COA6: variants seen among roughly 807,000 people sequenced by gnomAD.
COA6 encodes the protein cytochrome c oxidase assembly factor 6 homolog.
Under a neutral mutation model 17.1 loss-of-function variants are expected in COA6, and 12 were observed. The ratio of observed to expected loss-of-function variants is 0.70; its 90% CI spans 0.45 to 1.14. The LOEUF (loss-of-function observed/expected upper bound fraction) is 1.14. Ranked by LOEUF, COA6 falls within the 50% of genes most tolerant of loss-of-function variation. The pLI is 0.00. For missense variants in COA6, 246 were observed against 196.5 expected (o/e 1.25, Z -1.51); for synonymous variants, 90 against 73.4 (o/e 1.23, Z -1.16).
chr1:234,383,095 G>T (rs1432451886), intron 2 of COA6, among the ~76,000 whole-genome samples: 2 of 150,574 alleles, frequency 1.3e-5, no homozygotes, highest in African/African-American at 2.5e-5. Context: ...GGGAAGGGAA[G>T]TAAGAAAAAT....
Position 234,383,448 on chromosome 1 carries a change from C to A in COA6, c.373-275C>A, listed in dbSNP as rs551632001. Among the ~76,000 whole-genome samples the A allele has an allele frequency of 1.3e-4, 19 of 151,934 alleles. No homozygotes were observed. The South Asian group carries it at 3.7e-3, about 30-fold the overall frequency. ...ATACCTAATGTTAAATGGCGAGTTA[C>A]TGGGTGCAGCACACCAACATGGCAC... is the stretch of plus-strand genomic sequence containing the variant. On this transcript the variant is annotated intron_variant, in intron 2 of 2. Coordinates refer to ENST00000366615, the MANE Select transcript of COA6 (RefSeq NM_001206641.3).
At chr1:234,376,165 C>A (rs1397619000) in intron 2 of COA6, among the ~76,000 whole-genome samples, 4 of 152,176 alleles carry the variant, frequency 2.6e-5, no homozygotes, top group African/African-American at 9.7e-5. Context: ...GAGAGGAACT[C>A]CAGGTTTAAG....
At chr1:234,380,148 G>A (rs149648105) in intron 2 of COA6, among the ~76,000 whole-genome samples, 388 of 152,178 alleles carry the variant, frequency 2.5e-3, no homozygotes, top group African/African-American at 7.8e-3. Flanking sequence ...CTTCACTATC[G>A]GTTCTTTGCT....
chr1:234,374,115 T>G (rs565572269), intron 1 of COA6, 115 bp from the exon 2 acceptor site: 30 of 1,028,246 alleles, frequency 2.9e-5, no homozygotes, highest in South Asian at 1.4e-4. Context: ...TGTTTTTGTT[T>G]TTTTTTTTTT....
intron 1 of COA6, 118 bp from the exon 2 acceptor site, chr1:234,374,112 G>GTTTTTTTTTTTTTTTTTTTT: frequency 2.3e-6 from 2 of 861,686 alleles, no homozygotes; most frequent in East Asian, 2.9e-5. Context: ...TTTTGTTTTT[G>GTTTTTTTTTTTTTTTTTTTT]TTTTTTTTTT....
chr1:234,383,577 C>G, intron 2 of COA6, 146 bp from the exon 3 acceptor site: 1 of 516,714 alleles, frequency 1.9e-6, no homozygotes, highest in Non-Finnish European at 3.5e-6. Flanking sequence ...ACAGCTGACA[C>G]ACACACACAC....
At position 234,384,101 on chromosome 1, in the gene COA6, A is replaced by C. The variant is rs1214829462; in HGVS notation, c.*283A>C. On this transcript the variant is annotated 3_prime_UTR_variant, in exon 3 of 3. Transcript: ENST00000366615. ...TAATTAGAGGATGGGTAGTAGGCAG[A>C]TGATAAAATTTATAATATACATAGA... The C allele has an allele frequency of 4.2e-6, 1 of 235,334 alleles. No homozygotes were observed. The highest frequency in any genetic ancestry group is 2.3e-5 in the African/African-American group (1 of 44,176). The allele number at this position is 235,334 out of a possible 1,614,324, so 14.6% of individuals were successfully genotyped here. A position where few individuals can be genotyped will look rare whatever the true frequency, so the allele number is the denominator to read the frequency against.
chr1:234,378,706 C>T (rs914303140), intron 2 of COA6, among the ~76,000 whole-genome samples: 2 of 152,124 alleles, frequency 1.3e-5, no homozygotes, highest in Non-Finnish European at 2.9e-5. Flanking sequence ...AACCCAGTCT[C>T]TACTAAAAAT....
At position 234,384,201 on chromosome 1, in the gene COA6, G is replaced by T. The variant is rs1051268830; in HGVS notation, c.*383G>T. 9.9e-5 allele frequency among the ~76,000 whole-genome samples: 15 copies of T among 151,978 alleles called. No individual in the cohort carries two copies. The highest frequency in any genetic ancestry group is 1.9e-4 in the Non-Finnish European group (13 of 68,006). ...ACAACCCAAGTGAGAAATGATGAGG[G>T]TTTGTGGAAGGTTTATAAGGAAGAA... On this transcript the variant is annotated 3_prime_UTR_variant, in exon 3 of 3. Transcript: ENST00000366615.
At chr1:234,383,372 T>C (rs2991960) in intron 2 of COA6, among the ~76,000 whole-genome samples, 140,337 of 141,956 alleles carry the variant, frequency 0.99, 69,363 homozygotes, top group East Asian at 1. Flanking sequence ...CATCACACAC[T>C]GGGGCCTGTT....
In COA6 at chr1:234,384,594, A is replaced by C. The variant is rs148302602; in HGVS notation, c.*776A>C. Among the ~76,000 whole-genome samples the C allele has an allele frequency of 2.0e-5, 3 of 152,298 alleles. No homozygotes were observed. The highest frequency in any genetic ancestry group is 7.2e-5 in the African/African-American group (3 of 41,562). ...TTGTGAATAGCACCAAAAAAAATTA[A>C]AGGAATACTTAGGTATAAATCTAAT... On this transcript the variant is annotated 3_prime_UTR_variant, in exon 3 of 3. Coordinates refer to ENST00000366615, the MANE Select transcript of COA6 (RefSeq NM_001206641.3).
Position 234,373,572 on chromosome 1 carries a change from T to G in COA6, c.106T>G (p.Cys36Gly). The change falls in exon 1 of 3, where the codon TGC (cysteine) becomes GGC (glycine). Residue 36 changes from cysteine (C) to glycine (G), a missense_variant. Coordinates refer to ENST00000366615, the MANE Select transcript of COA6 (RefSeq NM_001206641.3). ...AGAGCTTGAGCCAGCGGGGCGACCC[T>G]GCAGTGGCAGGACTCGGCACCGCGC... Reference protein sequence around the residue: ...LLELEPAGRPCSGRTRHRALH... With the variant: ...LLELEPAGRPGSGRTRHRALH... The G allele has an allele frequency of 6.2e-7, 1 of 1,612,398 alleles. No individual in the cohort carries two copies. The highest frequency in any genetic ancestry group is 8.5e-7 in the Non-Finnish European group (1 of 1,179,564).
chr1:234,376,297 G>C (rs1028766408), intron 2 of COA6, among the ~76,000 whole-genome samples: 11 of 152,068 alleles, frequency 7.2e-5, no homozygotes, highest in Admixed American at 7.2e-4. Flanking sequence ...TGCCAGAAAG[G>C]GTTTTTACAA....
chr1:234,374,469 C>A, intron 2 of COA6, 80 bp downstream of exon 2: 1 of 1,427,378 alleles, frequency 7.0e-7, no homozygotes, highest in Non-Finnish European at 9.7e-7. Flanking sequence ...TGACATGAAG[C>A]GCTCTCTGAG....
chr1:234,375,956 C>T (rs1294516010), intron 2 of COA6, among the ~76,000 whole-genome samples: 1 of 152,170 alleles, frequency 6.6e-6, no homozygotes, highest in Admixed American at 6.5e-5. Flanking sequence ...CACGTCTGGC[C>T]AGGCATTGCT....
rs1466868103 is a variant in COA6, at chr1:234,383,899, T to C, written c.*81T>C. 5.7e-6 allele frequency: 4 copies of C among 698,472 alleles called. No individual in the cohort carries two copies. The highest frequency in any genetic ancestry group is 5.3e-5 in the African/African-American group (3 of 56,174). The allele number at this position is 698,472 out of a possible 1,614,324, so 43.3% of individuals were successfully genotyped here. A position where few individuals can be genotyped will look rare whatever the true frequency, so the allele number is the denominator to read the frequency against. ...TATGGAACAGTAATAGTTTGAATCA[T>C]AGTGAACATCAATACTTGTTCCCTA... is the stretch of plus-strand genomic sequence containing the variant. On this transcript the variant is annotated 3_prime_UTR_variant, in exon 3 of 3. Transcript: ENST00000366615.
At position 234,377,409 on chromosome 1, in the gene COA6, G is replaced by A. The variant is rs183566668; in HGVS notation, c.372+3020G>A. The stretch of plus-strand genomic sequence containing the variant: ...CAAAGTGCTGGGATTACAGGCATGA[G>A]CCACTGCACCCGGCTCTTCCTCTTC... On this transcript the variant is annotated intron_variant, in intron 2 of 2. Transcript: ENST00000366615. 2.2e-3 allele frequency among the ~76,000 whole-genome samples: 342 copies of A among 152,232 alleles called. 5 individuals carry two copies. The highest frequency in any genetic ancestry group is 5.0e-4 in the Non-Finnish European group (34 of 68,018).
rs58896934 is a variant in COA6 at position 234,383,706 on chromosome 1, C to CTT, written c.373-9_373-8dup. On this transcript the variant is annotated splice_polypyrimidine_tract_variant and intron_variant, in intron 2 of 2. Transcript: ENST00000366615. ...GCATAACTTGCCCTTATTTCAAATC[C>CTT]TTTTTTTTTCCAACAGATAAAATAT... 2,659 of 1,043,802 alleles carry CTT rather than the reference C, an allele frequency of 2.5e-3. 8 individuals carry two copies. Among genetic ancestry groups the CTT allele is most frequent in the African/African-American group, 8.9e-3 (525 of 59,052 alleles). 64.7% of individuals were successfully genotyped at this position (1,043,802 alleles called of 1,614,324 possible). A position where few individuals can be genotyped will look rare whatever the true frequency, so the allele number is the denominator to read the frequency against.
At chr1:234,380,365 G>A (rs1401676302) in intron 2 of COA6, among the ~76,000 whole-genome samples, 1 of 152,174 alleles carries the variant, frequency 6.6e-6, no homozygotes, top group Non-Finnish European at 1.5e-5. Context: ...ATTCAGTCTT[G>A]TGAGGTACTT....
Sources: allele counts gnomAD v4.1 joint callset (sites outside exome capture counted in the v4.1 genomes callset), GRCh38; gene constraint gnomAD v4.1.1; transcripts MANE v1.5; gene names NCBI Gene and HGNC (gene_info 2026-07-23, HGNC 2026-07-21).